Variants in VSTM4 observed in about 807,000 individuals in gnomAD.
VSTM4 encodes the protein V-set and transmembrane domain containing 4.
A neutral mutation model predicts 36.4 loss-of-function variants in VSTM4; 20 were observed. The ratio of observed to expected loss-of-function variants is 0.55; its 90% CI spans 0.39 to 0.80. The LOEUF (loss-of-function observed/expected upper bound fraction) is 0.80. Among genes scored for constraint, VSTM4 ranks in the 30% least tolerant of loss-of-function variants. VSTM4 has a pLI of 0.00. For missense variants in VSTM4, 392 were observed against 404.5 expected (o/e 0.97, Z 0.26); for synonymous variants, 182 against 173.9 (o/e 1.05, Z -0.37).
At chr10:49,020,990 T>C (rs1843174912) in intron 7 of VSTM4, among the ~76,000 whole-genome samples, 1 of 152,162 alleles carries the variant, frequency 6.6e-6, no homozygotes, top group African/African-American at 2.4e-5. Flanking sequence ...CATATGATTA[T>C]AGATGCTAGA....
chr10:49,073,755 AT>A (rs1844124419), intron 4 of VSTM4, among the ~76,000 whole-genome samples: 1 of 152,334 alleles, frequency 6.6e-6, no homozygotes, highest in South Asian at 2.1e-4. Context: ...TCTGTGATAT[AT>A]AGGAAAGTCC....
In VSTM4 at chr10:49,048,468, A is replaced by G; in HGVS notation, c.775+10T>C. The G allele has an allele frequency of 1.3e-6, 2 of 1,574,478 alleles. No homozygotes were observed. The highest frequency in any genetic ancestry group is 1.7e-6 in the Non-Finnish European group (2 of 1,166,618). ...GTTTCCAGGTAAGAAACTGCAGGCC[A>G]GCTCCTTACCTTTGGCAGGGACTGC... On this transcript the variant is annotated intron_variant, in intron 6 of 7. Transcript: ENST00000332853.
At chr10:49,040,879 G>A (rs61850681) in intron 7 of VSTM4, among the ~76,000 whole-genome samples, 29,500 of 152,142 alleles carry the variant, frequency 0.19, 3,143 homozygotes, top group Non-Finnish European at 0.23. Flanking sequence ...TTGGTTTCTA[G>A]ACAGAGGGGC....
chr10:49,077,165 G>A (rs932589943), intron 4 of VSTM4, 54 bp downstream of exon 4: 37 of 1,566,228 alleles, frequency 2.4e-5, no homozygotes, highest in Middle Eastern at 2.2e-4. Context: ...TCTTCCGCCC[G>A]TCTGTGGTCG....
intron 5 of VSTM4, among the ~76,000 whole-genome samples, chr10:49,060,079 T>C (rs576860296): frequency 2.6e-5 from 4 of 152,364 alleles, no homozygotes; most frequent in African/African-American, 9.6e-5. Context: ...ACTGGGTGGA[T>C]ATATTCATTT....
At chr10:49,039,216 G>T (rs1280017451) in intron 7 of VSTM4, among the ~76,000 whole-genome samples, 1 of 152,108 alleles carries the variant, frequency 6.6e-6, no homozygotes, top group Non-Finnish European at 1.5e-5. Flanking sequence ...GGGAGGATGA[G>T]GCAGGCGTAG....
At chr10:49,037,081 C>A (rs1305058886) in intron 7 of VSTM4, among the ~76,000 whole-genome samples, 1 of 152,176 alleles carries the variant, frequency 6.6e-6, no homozygotes, top group African/African-American at 2.4e-5. Context: ...GAAAGGTTTG[C>A]AGGAATTAGG....
rs147082923 is a variant in VSTM4 at position 49,066,628 on chromosome 10, T to A, written c.635-1892A>T. On this transcript the variant is annotated intron_variant, in intron 4 of 7. Coordinates refer to ENST00000332853, the MANE Select transcript of VSTM4 (RefSeq NM_001031746.5). ...TCCCTAAAAAATTCATACCAGGGTA[T>A]ATGAAGTAAAAATAAAAATCAATTT... Among the ~76,000 whole-genome samples, 875 of 152,284 alleles carry A rather than the reference T, an allele frequency of 5.7e-3. 13 individuals are homozygous for A. The highest frequency in any genetic ancestry group is 0.019 in the African/African-American group (799 of 41,578).
In VSTM4 at chr10:49,019,783, A is replaced by G. The variant is rs769927899; in HGVS notation, c.838-8T>C. 1 of 1,607,750 alleles carries G rather than the reference A, an allele frequency of 6.2e-7. No homozygotes were observed. Among genetic ancestry groups the G allele is most frequent in the Non-Finnish European group, 8.5e-7 (1 of 1,176,672 alleles). On this transcript the variant is annotated splice_region_variant and splice_polypyrimidine_tract_variant and intron_variant, in intron 7 of 7. Transcript: ENST00000332853. Reference sequence around the variant, plus strand: ...TTCCTCAGCAATCTTTGGCTATAAAAGAAAAAACAAAACAAAACACAATTC... The same window carrying G: ...TTCCTCAGCAATCTTTGGCTATAAAGGAAAAAACAAAACAAAACACAATTC...
intron 7 of VSTM4, among the ~76,000 whole-genome samples, chr10:49,028,323 C>T (rs11816318): frequency 0.15 from 22,600 of 152,182 alleles, 2,299 homozygotes; most frequent in Non-Finnish European, 0.23. Flanking sequence ...AGTGAGTCTG[C>T]AGTTTTCAGA....
At chr10:49,088,707 C>G (rs996217411) in intron 2 of VSTM4, among the ~76,000 whole-genome samples, 1 of 152,254 alleles carries the variant, frequency 6.6e-6, no homozygotes, top group Admixed American at 6.5e-5. Context: ...GAGCTTTGCA[C>G]CCTTAGACTG....
intron 2 of VSTM4, among the ~76,000 whole-genome samples, chr10:49,101,959 A>G (rs1264453759): frequency 7.3e-6 from 1 of 137,806 alleles, no homozygotes; most frequent in Non-Finnish European, 1.5e-5. Context: ...TTGTTAAAAT[A>G]CATGTGTGTC....
intron 2 of VSTM4, among the ~76,000 whole-genome samples, chr10:49,089,551 CAT>C (rs1044598484): frequency 6.6e-6 from 1 of 152,182 alleles, no homozygotes; most frequent in Non-Finnish European, 1.5e-5. Context: ...TTTATGGACA[CAT>C]GTGTTGAAAG....
chr10:49,103,867 A>T, intron 2 of VSTM4: 1 of 1,613,098 alleles, frequency 6.2e-7, no homozygotes, highest in Non-Finnish European at 8.5e-7. Context: ...ACTCCTGTTG[A>T]AAGGAGGGAG....
In VSTM4 at chr10:49,048,563, G is replaced by T. The variant is rs146221871; in HGVS notation, c.690C>A (p.Ser230Arg). ...GCTGTAGTGGGGCCAAGCTGGTCAC[G>T]CTAGTGACAGTCTCCCCTGAGCTGT... The part of the protein sequence containing the change: ...PQNSSGETVT[S>R]VTSLAPLQPK... Residue 230 changes from serine to arginine, a missense_variant, in exon 6 of 8, where the codon AGC becomes AGA. Transcript: ENST00000332853. 1 of 1,593,214 alleles carries T rather than the reference G, an allele frequency of 6.3e-7. No homozygotes were observed. The highest frequency in any genetic ancestry group is 1.4e-5 in the African/African-American group (1 of 73,574).
chr10:49,103,908 A>G, intron 2 of VSTM4: 3 of 1,558,500 alleles, frequency 1.9e-6, no homozygotes, highest in Non-Finnish European at 2.6e-6. Context: ...AAGAGAGACC[A>G]CGGGCCTGGG....
intron 7 of VSTM4, 44 bp from the exon 8 acceptor site, chr10:49,019,819 C>A: frequency 6.3e-7 from 1 of 1,591,674 alleles, no homozygotes; most frequent in Non-Finnish European, 8.6e-7. Context: ...TAGCTGACCA[C>A]AGGAGCTCTA....
Position 49,019,407 on chromosome 10 carries a change from T to C in VSTM4, c.*243A>G. The C allele has an allele frequency of 2.8e-6, 1 of 355,344 alleles. No individual in the cohort carries two copies. Among genetic ancestry groups the C allele is most frequent in the Non-Finnish European group, 4.8e-6 (1 of 208,774 alleles). The allele number at this position is 355,344 out of a possible 1,614,324, so 22.0% of individuals were successfully genotyped here. On this transcript the variant is annotated 3_prime_UTR_variant, in exon 8 of 8. Transcript: ENST00000332853. Reference sequence around the variant, plus strand: ...TTGGCTGCTCTCAGGATCAGAATCCTTACGCTCAGGGCTCAAACCCAGGCG... The same window carrying C: ...TTGGCTGCTCTCAGGATCAGAATCCCTACGCTCAGGGCTCAAACCCAGGCG...
intron 2 of VSTM4, chr10:49,103,930 T>A: frequency 7.7e-7 from 1 of 1,305,586 alleles, no homozygotes; most frequent in Non-Finnish European, 1.1e-6. Context: ...TGGGGGGCAC[T>A]CAAACCCCCA....
Sources: allele counts gnomAD v4.1 joint callset (sites outside exome capture counted in the v4.1 genomes callset), GRCh38; gene constraint gnomAD v4.1.1; transcripts MANE v1.5; gene names NCBI Gene and HGNC (gene_info 2026-07-23, HGNC 2026-07-21).